Variants in HSPA12A observed in about 807,000 individuals in gnomAD.
HSPA12A encodes heat shock 70 kDa protein 12A.
Under a neutral mutation model 69.2 loss-of-function variants are expected in HSPA12A, and 28 were observed. That is an observed-to-expected ratio of 0.40 (90% CI 0.30 to 0.55). The LOEUF is 0.55. Among genes scored for constraint, HSPA12A ranks in the 20% least tolerant of loss-of-function variants. The pLI, the probability that HSPA12A is intolerant of heterozygous loss-of-function variation, is 0.38. For synonymous variants in HSPA12A, 345 were observed against 370.5 expected (o/e 0.93, Z 0.79); for missense variants, 686 against 900.7 (o/e 0.76, Z 3.05).
chr10:116,792,841 A>G (rs1004803756), intron 2 of HSPA12A, among the ~76,000 whole-genome samples: 1 of 150,510 alleles, frequency 6.6e-6, no homozygotes, highest in Non-Finnish European at 1.5e-5. Flanking sequence ...AAAAGAAAAG[A>G]GAAAAGAAAA....
chr10:116,807,818 C>T (rs1433428883), intron 2 of HSPA12A, among the ~76,000 whole-genome samples: 1 of 152,184 alleles, frequency 6.6e-6, no homozygotes, highest in Non-Finnish European at 1.5e-5. Context: ...ATTCCTGGCC[C>T]TCTGGCTACC....
At chr10:116,697,257 C>A (rs1445063865) in intron 5 of HSPA12A, among the ~76,000 whole-genome samples, 1 of 152,180 alleles carries the variant, frequency 6.6e-6, no homozygotes, top group Non-Finnish European at 1.5e-5. Context: ...AAGCTCAAAA[C>A]ATCAGTGCTC....
At chr10:116,848,586 C>G (rs564415205) in intron 1 of HSPA12A, among the ~76,000 whole-genome samples, 2 of 152,294 alleles carry the variant, frequency 1.3e-5, no homozygotes, top group East Asian at 3.9e-4. Context: ...CTGTCCGTCG[C>G]CGCCCACTCC....
At chr10:116,839,888 T>G (rs763255136) in intron 1 of HSPA12A, among the ~76,000 whole-genome samples, 2 of 151,934 alleles carry the variant, frequency 1.3e-5, no homozygotes, top group Admixed American at 6.6e-5. Context: ...AGGGTCTAGT[T>G]TTGTGCCAAG....
At chr10:116,742,839 C>T, upstream of HSPA12A, among the ~76,000 whole-genome samples, 1 of 151,924 alleles carries the variant, frequency 6.6e-6, no homozygotes, top group Middle Eastern at 3.2e-3. Context: ...AGTGGCGCGC[C>T]CGGGGCTGCG....
chr10:116,726,066 C>T (rs1638424), intron 1 of HSPA12A, among the ~76,000 whole-genome samples: 151,064 of 151,344 alleles, frequency 1, 75,393 homozygotes, highest in Non-Finnish European at 1. Flanking sequence ...ACAGGCCAAG[C>T]AGGACAAGGT....
At chr10:116,784,026 A>G (rs1227093175) in intron 2 of HSPA12A, among the ~76,000 whole-genome samples, 1 of 152,230 alleles carries the variant, frequency 6.6e-6, no homozygotes, top group Non-Finnish European at 1.5e-5. Flanking sequence ...TTAAAATTAC[A>G]TAATTACATC....
intron 2 of HSPA12A, among the ~76,000 whole-genome samples, chr10:116,786,983 G>GCCAC (rs1844589843): frequency 1.5e-5 from 1 of 66,734 alleles, no homozygotes; most frequent in African/African-American, 3.7e-5. Context: ...TCACCTCCCG[G>GCCAC]ACACACACAC....
At chr10:116,781,965 T>C (rs1554891854) in intron 2 of HSPA12A, among the ~76,000 whole-genome samples, 1 of 152,138 alleles carries the variant, frequency 6.6e-6, no homozygotes. Context: ...AACTGGGAGA[T>C]AATATTCCTT....
At chr10:116,742,624 C>T (rs1405021552), upstream of HSPA12A, 22 of 1,051,748 alleles carry the variant, frequency 2.1e-5, no homozygotes, top group African/African-American at 8.5e-5. Context: ...GCCACGGCTC[C>T]TCCCCGGGCC....
chr10:116,840,814 G>C (rs1293492412), intron 1 of HSPA12A, among the ~76,000 whole-genome samples: 3 of 152,122 alleles, frequency 2.0e-5, no homozygotes, highest in African/African-American at 7.2e-5. Flanking sequence ...CAAATATTTG[G>C]TTGTGACCTT....
intron 1 of HSPA12A, chr10:116,849,426 AACG>A (rs1845983821): frequency 8.3e-7 from 1 of 1,206,610 alleles, no homozygotes; most frequent in South Asian, 2.0e-5. Context: ...AATAAAAGGG[AACG>A]ACTTTTACCG....
At chr10:116,826,892 C>T (rs1425021113) in intron 2 of HSPA12A, among the ~76,000 whole-genome samples, 1 of 152,166 alleles carries the variant, frequency 6.6e-6, no homozygotes, top group Non-Finnish European at 1.5e-5. Flanking sequence ...TCCTAAAACC[C>T]AATGAGGCGG....
At chr10:116,787,001 CACACACAT>C (rs67593458) in intron 2 of HSPA12A, among the ~76,000 whole-genome samples, 11,919 of 90,836 alleles carry the variant, frequency 0.13, 726 homozygotes, top group East Asian at 0.24. Context: ...CACACACACA[CACACACAT>C]ACACACACGC....
intron 2 of HSPA12A, chr10:116,751,263 C>T: frequency 5.2e-6 from 1 of 194,096 alleles, no homozygotes; most frequent in Admixed American, 5.1e-5. Flanking sequence ...CTGCTGAGAG[C>T]TAAACCAAAC....
intron 2 of HSPA12A, among the ~76,000 whole-genome samples, chr10:116,783,384 GAA>G (rs1317155312): frequency 6.6e-6 from 1 of 152,212 alleles, no homozygotes; most frequent in African/African-American, 2.4e-5. Context: ...CAGTGAGTGG[GAA>G]GAGGGACAGA....
intron 1 of HSPA12A, among the ~76,000 whole-genome samples, chr10:116,838,404 C>A (rs1227926948): frequency 6.6e-6 from 1 of 151,932 alleles, no homozygotes; most frequent in East Asian, 1.9e-4. Flanking sequence ...AGTTTTAACA[C>A]CGTTTCACCA....
At chr10:116,716,121 C>T (rs570668175) in intron 1 of HSPA12A, among the ~76,000 whole-genome samples, 8 of 151,480 alleles carry the variant, frequency 5.3e-5, no homozygotes, top group East Asian at 2.0e-4. Context: ...ACTTTGTAGC[C>T]GCTCTGTGAA....
chr10:116,703,614 T>C (rs532326370), intron 3 of HSPA12A, among the ~76,000 whole-genome samples: 27 of 152,344 alleles, frequency 1.8e-4, no homozygotes, highest in South Asian at 6.2e-4. Flanking sequence ...AATTACTCAG[T>C]TGAAGAAACT....
Sources: gnomAD v4.1 joint callset for allele counts (sites outside exome capture counted in the v4.1 genomes callset) on GRCh38, gnomAD v4.1.1 for gene constraint, MANE v1.5 for transcripts, NCBI Gene and HGNC (gene_info 2026-07-23, HGNC 2026-07-21) for gene names.